Variants in ST7 observed in about 807,000 individuals in gnomAD.
ST7 encodes the protein suppressor of tumorigenicity 7 protein.
A neutral mutation model predicts 78.7 loss-of-function variants in ST7; 28 were observed. That is an observed-to-expected ratio of 0.36 (90% CI 0.26 to 0.49). The LOEUF is 0.49. Ranked by LOEUF, ST7 falls within the 20% of genes least tolerant of loss-of-function variation. The pLI, the probability that ST7 is intolerant of heterozygous loss-of-function variation, is 0.99. For synonymous variants in ST7, 247 were observed against 249.6 expected, an observed-to-expected ratio of 0.99 and a Z score of 0.10; for missense variants, 418 against 696.0, an observed-to-expected ratio of 0.60 and a Z score of 4.49.
chr7:117,189,500 T>G (rs1484047218), intron 11 of ST7, 107 bp downstream of exon 11: 1 of 748,022 alleles, frequency 1.3e-6, no homozygotes, highest in African/African-American at 1.8e-5. Context: ...GACCCCTGCT[T>G]ATAAGCATGC....
rs187768092 is a variant in ST7, at chr7:117,125,798, G to A, written c.395-3995G>A. ...TAAAAAGTTCCTAATGTTTTTCCAG[G>A]GGAGTTTTTAAAAATTGTTTCTTTA... On this transcript the variant is annotated intron_variant, in intron 3 of 15. Transcript: ENST00000323984. Among the ~76,000 whole-genome samples the A allele has an allele frequency of 1.1e-4, 16 of 152,006 alleles. No individual in the cohort carries two copies. In the East Asian group the frequency reaches 2.9e-3, roughly 28 times the overall value.
chr7:117,113,409 A>T (rs916224686), intron 2 of ST7, among the ~76,000 whole-genome samples: 2 of 152,142 alleles, frequency 1.3e-5, no homozygotes, highest in African/African-American at 4.8e-5. Flanking sequence ...AGAAGGAGAG[A>T]GTGGGGAGAG....
At chr7:117,174,823 G>A (rs1808239441) in intron 10 of ST7, among the ~76,000 whole-genome samples, 2 of 152,200 alleles carry the variant, frequency 1.3e-5, no homozygotes, top group Non-Finnish European at 2.9e-5. Flanking sequence ...GGCTTTGTGA[G>A]ATTAAATAAC....
rs150458391 is a variant in ST7 at position 117,139,631 on chromosome 7, A to G, written c.963+1099A>G. On this transcript the variant is annotated intron_variant, in intron 9 of 15. Transcript: ENST00000323984. ...TTGGTTTTGGCCACTCCATTAGGCA[A>G]CAGTGTAGCCCCCAAATCTGAGGAG... Among the ~76,000 whole-genome samples, 1,507 of 152,322 alleles carry G rather than the reference A, an allele frequency of 9.9e-3. 27 individuals are homozygous for G. The highest frequency in any genetic ancestry group is 0.034 in the African/African-American group (1,417 of 41,574).
intron 1 of ST7, among the ~76,000 whole-genome samples, chr7:117,097,906 A>ATTTTT (rs1353568782): frequency 3.9e-4 from 12 of 30,954 alleles, no homozygotes; most frequent in African/African-American, 8.1e-4. Context: ...ATATATATAT[A>ATTTTT]TATTTTTTTT....
intron 1 of ST7, among the ~76,000 whole-genome samples, chr7:117,051,267 A>G (rs1797779290): frequency 6.6e-6 from 1 of 152,238 alleles, no homozygotes; most frequent in South Asian, 2.1e-4. Flanking sequence ...ACATATATGT[A>G]TTTACCTAAT....
At chr7:117,092,012 C>T (rs558151836) in intron 1 of ST7, among the ~76,000 whole-genome samples, 51 of 152,204 alleles carry the variant, frequency 3.4e-4, no homozygotes, top group Non-Finnish European at 5.9e-4. Flanking sequence ...GTGGCCACTT[C>T]ATTAAGCCAG....
At chr7:117,035,812 AAT>A (rs1163032811) in intron 1 of ST7, among the ~76,000 whole-genome samples, 4 of 120,056 alleles carry the variant, frequency 3.3e-5, no homozygotes, top group African/African-American at 8.0e-5. Context: ...TAAAAATTAG[AAT>A]CAGTCTTTTT....
At chr7:117,083,028 A>G (rs914141167) in intron 1 of ST7, among the ~76,000 whole-genome samples, 4 of 151,974 alleles carry the variant, frequency 2.6e-5, no homozygotes, top group Admixed American at 2.0e-4. Context: ...AACACCTTCC[A>G]TTTTTCTGCT....
intron 2 of ST7, among the ~76,000 whole-genome samples, chr7:117,108,059 T>C (rs1439693751): frequency 6.6e-6 from 1 of 152,196 alleles, no homozygotes; most frequent in East Asian, 1.9e-4. Flanking sequence ...TTCTGCTGAT[T>C]ATTTCTTTTG....
chr7:116,966,215 C>T (rs564399633), intron 1 of ST7: 15 of 267,752 alleles, frequency 5.6e-5, no homozygotes, highest in South Asian at 2.0e-4. Flanking sequence ...TAATTATTTC[C>T]GTAATATATG....
chr7:117,074,198 C>T (rs970771781), intron 1 of ST7, among the ~76,000 whole-genome samples: 10 of 152,100 alleles, frequency 6.6e-5, no homozygotes, highest in Non-Finnish European at 1.3e-4. Flanking sequence ...CGAGACCAGC[C>T]TGGCCAACAT....
intron 2 of ST7, among the ~76,000 whole-genome samples, chr7:117,113,814 G>A (rs546726032): frequency 2.0e-5 from 3 of 151,958 alleles, no homozygotes; most frequent in Non-Finnish European, 4.4e-5. Context: ...ATCTCTAGAG[G>A]AGGGACCTAG....
intron 1 of ST7, among the ~76,000 whole-genome samples, chr7:116,993,388 G>A (rs1794511069): frequency 6.6e-6 from 1 of 152,162 alleles, no homozygotes; most frequent in Admixed American, 6.5e-5. Flanking sequence ...TGCAAAAACG[G>A]AAACCCCTGA....
At chr7:117,153,671 A>C (rs1452143458) in intron 9 of ST7, among the ~76,000 whole-genome samples, 1 of 152,214 alleles carries the variant, frequency 6.6e-6, no homozygotes, top group Non-Finnish European at 1.5e-5. Flanking sequence ...ACAATTACTC[A>C]GTAAATATTT....
At chr7:117,100,422 C>T (rs528307023) in intron 2 of ST7, among the ~76,000 whole-genome samples, 10 of 152,104 alleles carry the variant, frequency 6.6e-5, no homozygotes, top group Admixed American at 2.0e-4. Context: ...TTGCAGTAGC[C>T]GAGATCGCGC....
intron 9 of ST7, among the ~76,000 whole-genome samples, chr7:117,161,715 T>C (rs892755895): frequency 1.3e-5 from 2 of 148,872 alleles, no homozygotes; most frequent in Non-Finnish European, 3.0e-5. Context: ...TTCTCCTGCC[T>C]CAGCCTCCCA....
intron 1 of ST7, chr7:117,014,921 G>A (rs1424195805): frequency 4.8e-6 from 6 of 1,247,488 alleles, no homozygotes; most frequent in Non-Finnish European, 4.1e-6. Flanking sequence ...AGAACGGTTC[G>A]TCAGTCCAGG....
At chr7:117,074,711 G>A (rs1313345416) in intron 1 of ST7, 1 of 152,156 alleles carries the variant, frequency 6.6e-6, no homozygotes, top group African/African-American at 2.4e-5. Flanking sequence ...GTTCTGTCAG[G>A]TAAAGTTAAG....
Sources: allele counts gnomAD v4.1 joint callset (sites outside exome capture counted in the v4.1 genomes callset), GRCh38; gene constraint gnomAD v4.1.1; transcripts MANE v1.5; gene names NCBI Gene and HGNC (gene_info 2026-07-23, HGNC 2026-07-21).